The following MAP4 variants were observed in gnomAD, a reference collection of about 807,000 sequenced individuals.
MAP4 encodes microtubule-associated protein 4.
In MAP4, 76 loss-of-function variants were observed where a neutral mutation model predicts 170.2. The observed-to-expected ratio is 0.45, with a 90% CI of 0.37 to 0.54. The LOEUF (loss-of-function observed/expected upper bound fraction) is 0.54, where lower values mean the gene tolerates loss of function less well. Ranked by LOEUF, MAP4 falls within the 20% of genes least tolerant of loss-of-function variation. The pLI, the probability that MAP4 is intolerant of heterozygous loss-of-function variation, is 0.00. For missense variants in MAP4, 2,506 were observed against 2,748.0 expected (o/e 0.91, Z 1.97); for synonymous variants, 909 against 994.5 (o/e 0.91, Z 1.62).
chr3:47,972,603 T>C (rs755016490), intron 3 of MAP4, among the ~76,000 whole-genome samples: 12 of 152,170 alleles, frequency 7.9e-5, no homozygotes, highest in Non-Finnish European at 1.6e-4. Context: ...AAATCATAAG[T>C]GGGCTGGGCG....
intron 17 of MAP4, among the ~76,000 whole-genome samples, chr3:47,861,884 A>C (rs1410038975): frequency 4.0e-5 from 6 of 150,822 alleles, no homozygotes; most frequent in African/African-American, 1.5e-4. Flanking sequence ...CAAAACAAAA[A>C]AAGCTGCTGG....
In MAP4 at chr3:47,992,631, C is replaced by T. The variant is rs532670645; in HGVS notation, c.223+6007G>A. Among the ~76,000 whole-genome samples the T allele has an allele frequency of 6.6e-5, 10 of 152,024 alleles. No homozygotes were observed. The East Asian group carries it at 7.7e-4, about 12-fold the overall frequency. ...TTAAACATGGTATCTTCAACAAGTT[C>T]GTGGAAAATGCATTCTATGAAAAAA... On this transcript the variant is annotated intron_variant, in intron 2 of 20. Transcript: ENST00000683076.
chr3:48,043,707 AAAATT>A (rs1444916090), intron 1 of MAP4, among the ~76,000 whole-genome samples: 6 of 152,248 alleles, frequency 3.9e-5, no homozygotes, highest in Admixed American at 2.0e-4. Context: ...ACTAAGAAGA[AAAATT>A]AAACTTTCCA....
At chr3:47,943,724 T>G (rs2100057950) in intron 3 of MAP4, among the ~76,000 whole-genome samples, 1 of 152,004 alleles carries the variant, frequency 6.6e-6, no homozygotes, top group Non-Finnish European at 1.5e-5. Flanking sequence ...TCTAGCAATA[T>G]TTGAAAACAC....
intron 6 of MAP4, among the ~76,000 whole-genome samples, chr3:47,918,485 A>AAT (rs111381760): frequency 0.014 from 2,065 of 152,256 alleles, 48 homozygotes; most frequent in African/African-American, 0.047. Context: ...TGATGAAAAA[A>AAT]ATATATATAT....
Position 47,998,870 on chromosome 3 carries a change from C to G in MAP4, c.-10G>C. The G allele has an allele frequency of 6.4e-7, 1 of 1,572,740 alleles. No homozygotes were observed. Among genetic ancestry groups the G allele is most frequent in the Non-Finnish European group, 8.8e-7 (1 of 1,142,358 alleles). On this transcript the variant is annotated 5_prime_UTR_variant, in exon 2 of 21. Coordinates refer to ENST00000683076, the MANE Select transcript of MAP4 (RefSeq NM_001385682.1). ...GACTGAGGTCAGCCATTCTGCACCA[C>G]TGCAACTGCCTGGTGAAGAGGAAAA...
At chr3:47,951,443 C>A (rs2100063751) in intron 3 of MAP4, among the ~76,000 whole-genome samples, 1 of 152,216 alleles carries the variant, frequency 6.6e-6, no homozygotes, top group Non-Finnish European at 1.5e-5. Context: ...TCACTGCAAC[C>A]TCCCTGCCTG....
At chr3:47,996,036 G>C (rs773230524) in intron 2 of MAP4, among the ~76,000 whole-genome samples, 9 of 152,148 alleles carry the variant, frequency 5.9e-5, no homozygotes, top group Non-Finnish European at 1.0e-4. Context: ...ATGCTCACAG[G>C]AAAGATTGGA....
chr3:47,987,249 T>C, intron 2 of MAP4: 1 of 572,116 alleles, frequency 1.7e-6, no homozygotes, highest in Non-Finnish European at 2.8e-6. Context: ...TCATTCTCCA[T>C]GAAATATGGC....
intron 10 of MAP4, among the ~76,000 whole-genome samples, chr3:47,893,500 C>T (rs73087122): frequency 0.037 from 5,646 of 152,254 alleles, 152 homozygotes; most frequent in Non-Finnish European, 0.052. Context: ...GAGCTTACTG[C>T]CCCCATTTAA....
chr3:48,032,890 C>T (rs1363213541), intron 1 of MAP4, among the ~76,000 whole-genome samples: 1 of 152,160 alleles, frequency 6.6e-6, no homozygotes, highest in African/African-American at 2.4e-5. Context: ...CACTGGTACT[C>T]TTAGAAGCTA....
At chr3:48,082,052 G>A (rs2100146904) in intron 1 of MAP4, among the ~76,000 whole-genome samples, 4 of 152,144 alleles carry the variant, frequency 2.6e-5, no homozygotes, top group Admixed American at 2.6e-4. Flanking sequence ...ACAAAATACA[G>A]TACTGGATTA....
At chr3:48,044,583 C>T (rs992359936) in intron 1 of MAP4, among the ~76,000 whole-genome samples, 6 of 151,800 alleles carry the variant, frequency 4.0e-5, no homozygotes, top group African/African-American at 9.6e-5. Context: ...GCCAACATGG[C>T]GAAACCTCAT....
At chr3:47,949,662 A>G (rs1298231904) in intron 3 of MAP4, among the ~76,000 whole-genome samples, 1 of 152,154 alleles carries the variant, frequency 6.6e-6, no homozygotes, top group Non-Finnish European at 1.5e-5. Context: ...TTAGTTATCA[A>G]TTTATTGCCT....
At position 48,062,710 on chromosome 3, in the gene MAP4, G is replaced by A. The variant is rs563970674; in HGVS notation, c.-20+26063C>T. Among the ~76,000 whole-genome samples, 3 of 151,638 alleles carry A rather than the reference G, an allele frequency of 2.0e-5. No individual in the cohort carries two copies. In the East Asian group the frequency reaches 5.8e-4, roughly 29 times the overall value. ...GGCTGAGGCGGGCAGATCACCTGAG[G>A]TTGGGAGTTCGAGACCAGCCTGACC... On this transcript the variant is annotated intron_variant, in intron 1 of 18. Transcript: ENST00000360240.
chr3:47,996,944 A>G (rs1474817643), intron 2 of MAP4, among the ~76,000 whole-genome samples: 1 of 152,186 alleles, frequency 6.6e-6, no homozygotes, highest in East Asian at 1.9e-4. Flanking sequence ...CAGAAATGCT[A>G]GAAATTAAAA....
chr3:47,908,893 G>C, intron 9 of MAP4, 145 bp downstream of exon 9: 1 of 856,198 alleles, frequency 1.2e-6, no homozygotes, highest in Non-Finnish European at 1.8e-6. Flanking sequence ...AAAACACACC[G>C]TAGCAGTTAT....
At chr3:47,936,988 A>C (rs2100053344) in intron 3 of MAP4, among the ~76,000 whole-genome samples, 1 of 151,726 alleles carries the variant, frequency 6.6e-6, no homozygotes, top group Admixed American at 6.6e-5. Flanking sequence ...CTCAAAAAAA[A>C]AAAAAAAAAG....
chr3:47,941,632 A>C (rs115016028), intron 3 of MAP4, among the ~76,000 whole-genome samples: 4,722 of 151,298 alleles, frequency 0.031, 108 homozygotes, highest in Non-Finnish European at 0.045. Context: ...AAAAACAAAA[A>C]AAAAAAAAAC....
Sources: gnomAD v4.1 joint callset for allele counts (sites outside exome capture counted in the v4.1 genomes callset) on GRCh38, gnomAD v4.1.1 for gene constraint, MANE v1.5 for transcripts, NCBI Gene and HGNC (gene_info 2026-07-23, HGNC 2026-07-21) for gene names.